Variants in CNTLN observed in about 807,000 individuals in gnomAD.
CNTLN encodes the protein centlein, centrosomal protein.
In CNTLN, 212 loss-of-function variants were observed where a neutral mutation model predicts 180.0. The observed-to-expected ratio is 1.18, with a 90% CI of 1.05 to 1.32. CNTLN has a LOEUF of 1.32. CNTLN is among the 40% of genes most tolerant of loss of function. CNTLN has a pLI of 0.00. For missense variants in CNTLN, 2,095 were observed against 1,610.9 expected, an observed-to-expected ratio of 1.30 and a Z score of -5.14; for synonymous variants, 722 against 563.1, an observed-to-expected ratio of 1.28 and a Z score of -3.99.
At chr9:17,247,270 C>T (rs919745408) in intron 5 of CNTLN, among the ~76,000 whole-genome samples, 1 of 152,118 alleles carries the variant, frequency 6.6e-6, no homozygotes, top group African/African-American at 2.4e-5. Context: ...ATCACCTTAG[C>T]TCATTGTGAC....
At chr9:17,279,827 A>ACTGGGCCTTTAAGAGGCCG (rs1563951668) in intron 6 of CNTLN, among the ~76,000 whole-genome samples, 5 of 52,346 alleles carry the variant, frequency 9.6e-5, no homozygotes, top group African/African-American at 5.6e-4. Flanking sequence ...AGTGTGGGAC[A>ACTGGGCCTTTAAGAGGCCG]TTGGGCTCTG....
At chr9:17,254,667 G>A (rs1325757831) in intron 5 of CNTLN, among the ~76,000 whole-genome samples, 1 of 151,482 alleles carries the variant, frequency 6.6e-6, no homozygotes, top group Non-Finnish European at 1.5e-5. Flanking sequence ...CTGTATGTCA[G>A]TACAATACTG....
At chr9:17,291,014 C>T (rs1241537534) in intron 6 of CNTLN, among the ~76,000 whole-genome samples, 2 of 152,142 alleles carry the variant, frequency 1.3e-5, no homozygotes, top group Admixed American at 6.5e-5. Context: ...TGTTCCTATT[C>T]GGCCATCTTG....
intron 2 of CNTLN, among the ~76,000 whole-genome samples, chr9:17,157,782 G>C (rs1819402734): frequency 6.6e-6 from 1 of 152,166 alleles, no homozygotes; most frequent in South Asian, 2.1e-4. Flanking sequence ...TTGTGAATAA[G>C]TATAAGAAAA....
chr9:17,173,956 C>T (rs1820564226), intron 2 of CNTLN, among the ~76,000 whole-genome samples: 2 of 152,038 alleles, frequency 1.3e-5, no homozygotes, highest in South Asian at 2.1e-4. Context: ...ACCATAAGGA[C>T]CCCTTTTATA....
At chr9:17,271,880 ATAG>A (rs1827973274) in intron 5 of CNTLN, among the ~76,000 whole-genome samples, 2 of 152,246 alleles carry the variant, frequency 1.3e-5, no homozygotes, top group Middle Eastern at 3.4e-3. Flanking sequence ...TTCACGTAAA[ATAG>A]TAGTTTTTTC....
intron 23 of CNTLN, among the ~76,000 whole-genome samples, chr9:17,483,240 A>T (rs1442593463): frequency 6.6e-6 from 1 of 152,184 alleles, no homozygotes; most frequent in African/African-American, 2.4e-5. Flanking sequence ...CTTTGTTTAT[A>T]ATGAGAGAAA....
intron 15 of CNTLN, among the ~76,000 whole-genome samples, chr9:17,404,811 C>T (rs1230285663): frequency 1.4e-5 from 2 of 147,796 alleles, no homozygotes; most frequent in Middle Eastern, 3.3e-3. Context: ...GATCTTGGCT[C>T]ACTGCAGGCT....
chr9:17,388,519 C>T (rs1930648), intron 14 of CNTLN, among the ~76,000 whole-genome samples: 124,121 of 151,910 alleles, frequency 0.82, 51,195 homozygotes, highest in Non-Finnish European at 0.87. Context: ...ATAGAAATTA[C>T]AGAAATGTAG....
Position 17,462,974 on chromosome 9 carries a change from T to G in CNTLN, c.3365T>G (p.Leu1122Arg). The G allele has an allele frequency of 6.3e-7, 1 of 1,585,932 alleles. No homozygotes were observed. The highest frequency in any genetic ancestry group is 8.6e-7 in the Non-Finnish European group (1 of 1,169,116). Residue 1122 changes from leucine (L) to arginine (R), a missense_variant, in exon 20 of 26, where the codon CTC (leucine) becomes CGC (arginine). Transcript: ENST00000380647. Reference protein sequence around the residue: ...SSNVKTLKFELLAKEEHIKEM... With the variant: ...SSNVKTLKFERLAKEEHIKEM... ...AATGTGAAGACTTTGAAATTTGAAC[T>G]CCTAGCAAAAGAAGAACACATAAAG... is the stretch of plus-strand genomic sequence containing the variant.
chr9:17,149,014 G>A (rs533601062), intron 2 of CNTLN, among the ~76,000 whole-genome samples: 1 of 152,018 alleles, frequency 6.6e-6, no homozygotes, highest in African/African-American at 2.4e-5. Context: ...TCCCCTCCCT[G>A]TGTCCATGTG....
chr9:17,299,659 TG>T, intron 7 of CNTLN: 1 of 984,646 alleles, frequency 1.0e-6, no homozygotes, highest in South Asian at 4.7e-5. Flanking sequence ...GCTGCCTTTT[TG>T]TTTTATGGGG....
At chr9:17,250,814 T>A (rs2132272666) in intron 5 of CNTLN, among the ~76,000 whole-genome samples, 1 of 152,174 alleles carries the variant, frequency 6.6e-6, no homozygotes, top group South Asian at 2.1e-4. Context: ...ATACTGGCTT[T>A]TATATTTGCT....
intron 6 of CNTLN, among the ~76,000 whole-genome samples, chr9:17,274,436 C>T (rs533052891): frequency 2.0e-5 from 3 of 150,614 alleles, no homozygotes; most frequent in Non-Finnish European, 3.0e-5. Context: ...CAGAACTTTT[C>T]CTTGGTTCAT....
chr9:17,299,079 T>G (rs1322517067), intron 7 of CNTLN: 1 of 338,876 alleles, frequency 3.0e-6, no homozygotes, highest in African/African-American at 2.2e-5. Flanking sequence ...CTGTTTCTAC[T>G]AAAAATACAA....
chr9:17,245,049 TGCTTTTAC>T (rs1825720132), intron 5 of CNTLN, among the ~76,000 whole-genome samples: 1 of 152,182 alleles, frequency 6.6e-6, no homozygotes, highest in Non-Finnish European at 1.5e-5. Context: ...TACCTTTTAT[TGCTTTTAC>T]TCCAGATACG....
chr9:17,159,261 C>T (rs1481974046), intron 2 of CNTLN, among the ~76,000 whole-genome samples: 1 of 152,156 alleles, frequency 6.6e-6, no homozygotes, highest in Non-Finnish European at 1.5e-5. Context: ...CACTGTGTTG[C>T]AAATAAAGTC....
chr9:17,240,572 C>G (rs1825421104), intron 5 of CNTLN, among the ~76,000 whole-genome samples: 1 of 152,104 alleles, frequency 6.6e-6, no homozygotes, highest in Admixed American at 6.5e-5. Context: ...AATGTGTATT[C>G]ACATCTTTTG....
chr9:17,301,997 T>G lies in CNTLN; in HGVS notation c.1146+3645T>G, dbSNP rs1174255403. On this transcript the variant is annotated intron_variant, in intron 7 of 25. Transcript: ENST00000380647. Reference sequence around the variant, plus strand: ...TCTACTGTTGGTTATATATGTTATTTGTTTTACTATTGTAAATAAAGCTGC... The same window carrying G: ...TCTACTGTTGGTTATATATGTTATTGGTTTTACTATTGTAAATAAAGCTGC... 8 of 979,646 alleles carry G rather than the reference T, an allele frequency of 8.2e-6. No individual in the cohort carries two copies. In the East Asian group the frequency reaches 3.4e-4, roughly 42 times the overall value. 60.7% of individuals were successfully genotyped at this position (979,646 alleles called of 1,614,324 possible). A position where few individuals can be genotyped will look rare whatever the true frequency, so the allele number is the denominator to read the frequency against.
Sources: allele counts gnomAD v4.1 joint callset (sites outside exome capture counted in the v4.1 genomes callset), GRCh38; gene constraint gnomAD v4.1.1; transcripts MANE v1.5; gene names NCBI Gene and HGNC (gene_info 2026-07-23, HGNC 2026-07-21).